TXNDC8: variants seen among roughly 807,000 people sequenced by gnomAD.
The protein encoded by TXNDC8 is thioredoxin domain-containing protein 8.
Under a neutral mutation model 12.9 loss-of-function variants are expected in TXNDC8, and 15 were observed. The observed-to-expected ratio is 1.16, with a 90% CI of 0.78 to 1.79. The LOEUF (loss-of-function observed/expected upper bound fraction) is 1.79. Ranked by LOEUF, TXNDC8 falls within the 40% of genes most tolerant of loss-of-function variation. The pLI is 0.00. For synonymous variants in TXNDC8, 40 were observed against 35.4 expected, an observed-to-expected ratio of 1.13 and a Z score of -0.46; for missense variants, 128 against 113.2, an observed-to-expected ratio of 1.13 and a Z score of -0.59.
chr9:110,337,496 G>A (rs1839803293), intron 1 of TXNDC8, among the ~76,000 whole-genome samples: 1 of 152,166 alleles, frequency 6.6e-6, no homozygotes, highest in Admixed American at 6.5e-5. Flanking sequence ...TACAGGATGG[G>A]ATGTACTAGG....
At chr9:110,330,596 C>A (rs1266780151) in intron 2 of TXNDC8, among the ~76,000 whole-genome samples, 1 of 152,188 alleles carries the variant, frequency 6.6e-6, no homozygotes, top group African/African-American at 2.4e-5. Context: ...CAGAAATGTT[C>A]TTTTCAGGGA....
intron 3 of TXNDC8, chr9:110,324,098 G>T (rs969664448): frequency 2.1e-6 from 3 of 1,432,090 alleles, no homozygotes; most frequent in Non-Finnish European, 2.8e-6. Flanking sequence ...GTGCCAAAAA[G>T]AAGTGTCTAA....
chr9:110,312,089 C>A (rs1838711523), intron 3 of TXNDC8, among the ~76,000 whole-genome samples: 2 of 151,766 alleles, frequency 1.3e-5, no homozygotes, highest in Non-Finnish European at 2.9e-5. Context: ...ATATTTTTGA[C>A]TTTTTCTTAA....
At chr9:110,327,315 TTATAC>T (rs1839362152) in intron 2 of TXNDC8, among the ~76,000 whole-genome samples, 1 of 110,742 alleles carries the variant, frequency 9.0e-6, no homozygotes, top group Non-Finnish European at 1.8e-5. Context: ...ACACTAATGT[TTATAC>T]TATATATTTT....
chr9:110,309,342 A>G (rs1838576397), intron 3 of TXNDC8, among the ~76,000 whole-genome samples: 3 of 151,956 alleles, frequency 2.0e-5, no homozygotes, highest in Admixed American at 6.6e-5. Context: ...TTATTTATTT[A>G]TTTATTTTTT....
intron 3 of TXNDC8, among the ~76,000 whole-genome samples, chr9:110,305,767 T>C (rs776229599): frequency 1.2e-5 from 1 of 80,796 alleles, no homozygotes; most frequent in African/African-American, 4.8e-5. Flanking sequence ...CCCTTCCCTT[T>C]CTTTTCTTTT....
At chr9:110,330,180 C>T (rs773136541) in intron 2 of TXNDC8, among the ~76,000 whole-genome samples, 6 of 152,152 alleles carry the variant, frequency 3.9e-5, no homozygotes, top group African/African-American at 1.2e-4. Flanking sequence ...TATTTCTAGT[C>T]GCTTATTTCT....
chr9:110,313,607 A>G (rs190551585), intron 3 of TXNDC8, among the ~76,000 whole-genome samples: 4 of 152,340 alleles, frequency 2.6e-5, no homozygotes, highest in Non-Finnish European at 5.9e-5. Flanking sequence ...AGGCTGAGGC[A>G]GGAGAATCAC....
chr9:110,323,917 G>T, intron 3 of TXNDC8: 1 of 1,550,998 alleles, frequency 6.4e-7, no homozygotes, highest in South Asian at 1.2e-5. Flanking sequence ...GCTCTGGTTT[G>T]ACTTGGATTG....
intron 3 of TXNDC8, among the ~76,000 whole-genome samples, chr9:110,316,168 G>T (rs10122165): frequency 0.23 from 35,282 of 151,148 alleles, 4,143 homozygotes; most frequent in South Asian, 0.27. Flanking sequence ...TGCCTGCCTC[G>T]GCCTCCCAAA....
rs1275935423 is a variant in TXNDC8 at position 110,305,540 on chromosome 9, TTTTCTTTTTC to T, written c.196-1018_196-1009del. On this transcript the variant is annotated intron_variant, in intron 3 of 4. Transcript: ENST00000423740. The stretch of plus-strand genomic sequence containing the variant: ...AGTTTTTGAAATTATACTGCATGTA[TTTTCTTTTTC>T]TTTCTTTCTTTCTTTCTTTCTTTCT... Among the ~76,000 whole-genome samples the T allele has an allele frequency of 4.0e-3, 582 of 145,290 alleles. 3 individuals carry two copies. The highest frequency in any genetic ancestry group is 8.2e-3 in the African/African-American group (319 of 38,876).
intron 3 of TXNDC8, among the ~76,000 whole-genome samples, chr9:110,310,137 A>G (rs1838608994): frequency 6.6e-6 from 1 of 152,104 alleles, no homozygotes; most frequent in South Asian, 2.1e-4. Context: ...ACATTAAAGA[A>G]AAAAGAGTCC....
At chr9:110,304,265 G>A (rs1194116523) in intron 4 of TXNDC8, among the ~76,000 whole-genome samples, 2 of 152,220 alleles carry the variant, frequency 1.3e-5, no homozygotes, top group Non-Finnish European at 2.9e-5. Flanking sequence ...GAGCCACCAG[G>A]AATGGTGTTA....
chr9:110,326,200 A>G lies in TXNDC8; in HGVS notation c.170T>C (p.Phe57Ser), dbSNP rs766257901. 6.2e-7 allele frequency: 1 copy of G among 1,613,980 alleles called. No individual in the cohort carries two copies. Among genetic ancestry groups the G allele is most frequent in the East Asian group, 2.2e-5 (1 of 44,860 alleles). ...CTTCTGGCTTTTCTTGAACATCTGA[A>G]ATGTGGGTATTGTTTTGATGTGACA... The change falls in exon 3 of 5, where the codon TTT (phenylalanine) becomes TCT (serine). Residue 57 changes from phenylalanine (F) to serine (S), a missense_variant. Coordinates refer to ENST00000423740, the MANE Select transcript of TXNDC8 (RefSeq NM_001286946.2).
intron 3 of TXNDC8, among the ~76,000 whole-genome samples, chr9:110,317,528 A>G (rs1200689874): frequency 6.6e-6 from 1 of 152,200 alleles, no homozygotes; most frequent in Non-Finnish European, 1.5e-5. Context: ...CTGCCCAGAT[A>G]GATCTGGAAG....
intron 4 of TXNDC8, among the ~76,000 whole-genome samples, chr9:110,304,077 TG>T (rs1390368710): frequency 6.6e-6 from 1 of 152,212 alleles, no homozygotes; most frequent in Non-Finnish European, 1.5e-5. Context: ...CATTTCATAG[TG>T]GATGGTATGT....
intron 2 of TXNDC8, among the ~76,000 whole-genome samples, chr9:110,327,856 G>T (rs1455856556): frequency 6.6e-6 from 1 of 152,150 alleles, no homozygotes; most frequent in South Asian, 2.1e-4. Flanking sequence ...TGATGAAAGT[G>T]TTCTAAAATT....
At chr9:110,333,603 T>C (rs1393467101) in intron 2 of TXNDC8, among the ~76,000 whole-genome samples, 1 of 152,178 alleles carries the variant, frequency 6.6e-6, no homozygotes, top group African/African-American at 2.4e-5. Context: ...CAAAAGCAGA[T>C]GTACACAAGG....
intron 2 of TXNDC8, 124 bp downstream of exon 3, chr9:110,329,108 A>G: frequency 1.2e-6 from 1 of 804,280 alleles, no homozygotes; most frequent in South Asian, 1.6e-5. Context: ...TGTAGTTATT[A>G]GAAAAAATGT....
Sources: gnomAD v4.1 joint callset for allele counts (sites outside exome capture counted in the v4.1 genomes callset) on GRCh38, gnomAD v4.1.1 for gene constraint, MANE v1.5 for transcripts, NCBI Gene and HGNC (gene_info 2026-07-23, HGNC 2026-07-21) for gene names.